The following ALK variants were observed in gnomAD, a reference collection of about 807,000 sequenced individuals.
ALK encodes ALK tyrosine kinase receptor.
In ALK, 74 loss-of-function variants were observed where a neutral mutation model predicts 163.1. The ratio of observed to expected loss-of-function variants is 0.45; its 90% CI spans 0.38 to 0.55. The LOEUF (loss-of-function observed/expected upper bound fraction) is 0.55, where lower values mean the gene tolerates loss of function less well. ALK is among the 20% of genes least tolerant of loss of function. The probability of loss-of-function intolerance (pLI) is 0.00; values close to 1 mark genes in which losing one functional copy is unlikely to be tolerated. For missense variants in ALK, 2,063 were observed against 2,105.3 expected (o/e 0.98, Z 0.39); for synonymous variants, 960 against 843.2 (o/e 1.14, Z -2.40).
rs1003070694 is a variant in ALK, at chr2:29,532,255, C to G, written c.953-139G>C. The stretch of plus-strand genomic sequence containing the variant: ...TATCTCCTTCTCTGCATGCACCCAG[C>G]CTTCTTCCTCCATTCTTAGATTTTC... On this transcript the variant is annotated intron_variant, in intron 3 of 28. Transcript: ENST00000389048. 8 of 803,914 alleles carry G rather than the reference C, an allele frequency of 1.0e-5. No homozygotes were observed. In the African/African-American group the frequency reaches 1.0e-4, roughly 10 times the overall value. 49.8% of individuals were successfully genotyped at this position (803,914 alleles called of 1,614,324 possible).
intron 4 of ALK, among the ~76,000 whole-genome samples, chr2:29,415,601 T>C (rs1352533616): frequency 1.3e-5 from 2 of 152,192 alleles, no homozygotes; most frequent in African/African-American, 4.8e-5. Context: ...AGTTAAAAGC[T>C]ATGACGATTA....
chr2:29,387,926 C>T (rs1261785866), intron 4 of ALK, among the ~76,000 whole-genome samples: 2 of 152,188 alleles, frequency 1.3e-5, no homozygotes, highest in South Asian at 2.1e-4. Context: ...TCAGTCTATA[C>T]AGTCAATTGC....
chr2:29,477,851 A>G (rs1033084276), intron 4 of ALK, among the ~76,000 whole-genome samples: 2 of 152,246 alleles, frequency 1.3e-5, no homozygotes, highest in Non-Finnish European at 2.9e-5. Flanking sequence ...TCAGAGCTGA[A>G]TGTGAATGTG....
chr2:29,605,422 T>A (rs530498585), intron 3 of ALK, among the ~76,000 whole-genome samples: 1 of 152,316 alleles, frequency 6.6e-6, no homozygotes, highest in South Asian at 2.1e-4. Context: ...TAAAAAGTTA[T>A]CCCACTGCTA....
chr2:29,357,686 C>T (rs1668285560), intron 5 of ALK, among the ~76,000 whole-genome samples: 1 of 152,174 alleles, frequency 6.6e-6, no homozygotes, highest in Non-Finnish European at 1.5e-5. Flanking sequence ...TGTCAAATGC[C>T]AAGCTCCAGG....
chr2:29,733,799 A>T (rs1679813643), intron 1 of ALK, among the ~76,000 whole-genome samples: 1 of 152,136 alleles, frequency 6.6e-6, no homozygotes, highest in Admixed American at 6.6e-5. Context: ...TGCAATCCAG[A>T]CACACCCACG....
intron 4 of ALK, among the ~76,000 whole-genome samples, chr2:29,441,335 T>G (rs946866696): frequency 3.3e-5 from 5 of 152,246 alleles, no homozygotes; most frequent in Non-Finnish European, 5.9e-5. Flanking sequence ...AGAGTGGGCA[T>G]TAGCCTGCTA....
chr2:29,355,621 G>T (rs1668229624), intron 5 of ALK, among the ~76,000 whole-genome samples: 1 of 152,188 alleles, frequency 6.6e-6, no homozygotes. Flanking sequence ...TGCACTGGAA[G>T]GGAAAGACTT....
chr2:29,867,493 G>C (rs1301628047), intron 1 of ALK, among the ~76,000 whole-genome samples: 1 of 152,088 alleles, frequency 6.6e-6, no homozygotes, highest in Admixed American at 6.5e-5. Context: ...CTGTGTTCAT[G>C]GTATTCAACA....
intron 12 of ALK, among the ~76,000 whole-genome samples, chr2:29,241,873 C>G (rs1372428605): frequency 6.6e-6 from 1 of 152,156 alleles, no homozygotes; most frequent in South Asian, 2.1e-4. Flanking sequence ...TGAGGCCACA[C>G]AGCCAGTCAG....
chr2:29,225,393 C>T (rs1663936714), intron 19 of ALK, 68 bp downstream of exon 19: 3 of 1,377,886 alleles, frequency 2.2e-6, no homozygotes, highest in Non-Finnish European at 3.0e-6. Flanking sequence ...ACCTGTGGCA[C>T]AGCCTGAGAC....
At chr2:29,730,613 G>C (rs1026780001) in intron 1 of ALK, among the ~76,000 whole-genome samples, 4 of 152,162 alleles carry the variant, frequency 2.6e-5, no homozygotes, top group African/African-American at 9.7e-5. Flanking sequence ...ACTTACACAA[G>C]AGGAAAACAA....
intron 3 of ALK, among the ~76,000 whole-genome samples, chr2:29,659,945 C>T (rs1300289919): frequency 6.6e-6 from 1 of 152,128 alleles, no homozygotes; most frequent in Non-Finnish European, 1.5e-5. Flanking sequence ...TTACCTTACC[C>T]TAATATGCCC....
At chr2:29,475,919 G>A (rs1242975721) in intron 4 of ALK, among the ~76,000 whole-genome samples, 1 of 152,150 alleles carries the variant, frequency 6.6e-6, no homozygotes, top group Non-Finnish European at 1.5e-5. Context: ...AAATGAGAAC[G>A]GTGACATCGA....
chr2:29,221,339 C>T (rs907134757), intron 22 of ALK: 1 of 451,168 alleles, frequency 2.2e-6, no homozygotes, highest in African/African-American at 2.0e-5. Context: ...TGGGAGGGAC[C>T]AAGACTTGGG....
intron 24 of ALK, among the ~76,000 whole-genome samples, chr2:29,213,674 G>A (rs1298649890): frequency 6.6e-6 from 1 of 152,138 alleles, no homozygotes; most frequent in African/African-American, 2.4e-5. Context: ...GATAGAATAA[G>A]TTACCATCTC....
intron 4 of ALK, among the ~76,000 whole-genome samples, chr2:29,483,552 C>T (rs1024417310): frequency 6.6e-6 from 1 of 152,068 alleles, no homozygotes; most frequent in Non-Finnish European, 1.5e-5. Flanking sequence ...TTGAAAAGCC[C>T]CAAGACAGTT....
At chr2:29,778,453 A>G (rs546231440) in intron 1 of ALK, among the ~76,000 whole-genome samples, 1 of 152,324 alleles carries the variant, frequency 6.6e-6, no homozygotes, top group Admixed American at 6.5e-5. Context: ...CCAACAGAGC[A>G]GGAGGTGGAG....
At chr2:29,456,797 A>C (rs1573370694) in intron 4 of ALK, among the ~76,000 whole-genome samples, 1 of 152,194 alleles carries the variant, frequency 6.6e-6, no homozygotes, top group South Asian at 2.1e-4. Context: ...ATTAGATGTC[A>C]CATGTGAAAT....
Sources: gnomAD v4.1 joint callset for allele counts (sites outside exome capture counted in the v4.1 genomes callset) on GRCh38, gnomAD v4.1.1 for gene constraint, MANE v1.5 for transcripts, NCBI Gene and HGNC (gene_info 2026-07-23, HGNC 2026-07-21) for gene names.